Variants in SLC25A13 observed in about 807,000 individuals in gnomAD.
SLC25A13 encodes the protein solute carrier family 25 member 13.
In SLC25A13, 70 loss-of-function variants were observed where a neutral mutation model predicts 85.5. The ratio of observed to expected loss-of-function variants is 0.82; its 90% CI spans 0.68 to 1.00. SLC25A13 has a LOEUF of 1.00. SLC25A13 is among the 50% of genes least tolerant of loss of function. SLC25A13 has a pLI of 0.00. For missense variants in SLC25A13, 765 were observed against 819.8 expected (o/e 0.93, Z 0.82); for synonymous variants, 259 against 288.7 (o/e 0.90, Z 1.04).
In SLC25A13 at chr7:96,219,552, T is replaced by A. The variant is rs373577247; in HGVS notation, c.329-10575A>T. Reference sequence around the variant, plus strand: ...CCCTCTGGGCCTGTTTCCTCATCCATGAAAGAAAGCCATAAACTATACTCA... The same window carrying A: ...CCCTCTGGGCCTGTTTCCTCATCCAAGAAAGAAAGCCATAAACTATACTCA... On this transcript the variant is annotated intron_variant, in intron 4 of 17. Transcript: ENST00000265631. 113 of 370,900 alleles carry A rather than the reference T, an allele frequency of 3.0e-4. 1 individual carries two copies. Among genetic ancestry groups the A allele is most frequent in the African/African-American group, 2.2e-3 (104 of 47,096 alleles). 23.0% of individuals were successfully genotyped at this position (370,900 alleles called of 1,614,324 possible). A position where few individuals can be genotyped will look rare whatever the true frequency, so the allele number is the denominator to read the frequency against.
intron 13 of SLC25A13, among the ~76,000 whole-genome samples, chr7:96,157,488 A>G (rs1300651989): frequency 6.6e-6 from 1 of 152,146 alleles, no homozygotes; most frequent in Non-Finnish European, 1.5e-5. Context: ...GGGAAGTGAT[A>G]TAGCTATTTA....
intron 11 of SLC25A13, among the ~76,000 whole-genome samples, chr7:96,174,833 C>T (rs112317846): frequency 4.9e-4 from 75 of 152,222 alleles, no homozygotes; most frequent in African/African-American, 1.5e-3. Context: ...GCATTGTGAA[C>T]GGCAAAAAAC....
chr7:96,303,627 T>A (rs553364234), intron 1 of SLC25A13, among the ~76,000 whole-genome samples: 3 of 152,186 alleles, frequency 2.0e-5, no homozygotes, highest in African/African-American at 7.2e-5. Flanking sequence ...TTAGATGAAA[T>A]TGAGTGAGAT....
At chr7:96,219,454 A>T (rs986013347) in intron 4 of SLC25A13, among the ~76,000 whole-genome samples, 9 of 152,326 alleles carry the variant, frequency 5.9e-5, no homozygotes, top group Non-Finnish European at 1.0e-4. Context: ...GTCATGTGGC[A>T]TTCAGGAAAG....
At chr7:96,207,600 G>A (rs1163734244) in intron 5 of SLC25A13, among the ~76,000 whole-genome samples, 1 of 152,154 alleles carries the variant, frequency 6.6e-6, no homozygotes, top group Non-Finnish European at 1.5e-5. Context: ...TAAATAAAAT[G>A]TAACTGTTAG....
intron 2 of SLC25A13, among the ~76,000 whole-genome samples, chr7:96,294,610 G>GAAAAAAAAAA (rs776263797): frequency 7.4e-6 from 1 of 135,114 alleles, no homozygotes; most frequent in Non-Finnish European, 1.6e-5. Flanking sequence ...CTCTGTCTCA[G>GAAAAAAAAAA]AAAAAAAAAA....
intron 2 of SLC25A13, among the ~76,000 whole-genome samples, chr7:96,293,839 A>G (rs1475707180): frequency 6.6e-6 from 1 of 152,240 alleles, no homozygotes; most frequent in Non-Finnish European, 1.5e-5. Context: ...GTGGGACTGT[A>G]AACTAGTTCA....
intron 2 of SLC25A13, among the ~76,000 whole-genome samples, chr7:96,284,729 T>A (rs1798821147): frequency 6.6e-6 from 1 of 152,060 alleles, no homozygotes; most frequent in Non-Finnish European, 1.5e-5. Flanking sequence ...TAAATGGGAG[T>A]TCCCCTGCAC....
intron 3 of SLC25A13, among the ~76,000 whole-genome samples, chr7:96,240,615 A>G (rs999848362): frequency 6.6e-6 from 1 of 151,920 alleles, no homozygotes; most frequent in African/African-American, 2.4e-5. Context: ...GTGGCAGCTC[A>G]TGTCTATAAT....
At chr7:96,199,441 G>A (rs1046502829) in intron 5 of SLC25A13, among the ~76,000 whole-genome samples, 1 of 152,202 alleles carries the variant, frequency 6.6e-6, no homozygotes, top group African/African-American at 2.4e-5. Context: ...AATCCAGAGA[G>A]CTGAGAAAAT....
chr7:96,277,372 AT>A (rs781581999), intron 2 of SLC25A13, 34 bp from the exon 3 acceptor site: 1 of 1,578,990 alleles, frequency 6.3e-7, no homozygotes, highest in East Asian at 2.3e-5. Context: ...TATTTTATAT[AT>A]TTGATTTTCA....
intron 3 of SLC25A13, among the ~76,000 whole-genome samples, chr7:96,250,408 G>C (rs1797371907): frequency 1.3e-5 from 2 of 152,180 alleles, no homozygotes; most frequent in Admixed American, 6.5e-5. Flanking sequence ...CAGCGACATG[G>C]CTGTCTTTAC....
intron 2 of SLC25A13, among the ~76,000 whole-genome samples, chr7:96,289,587 A>G (rs2116975392): frequency 6.6e-6 from 1 of 152,368 alleles, no homozygotes; most frequent in South Asian, 2.1e-4. Context: ...GCTGAAAACC[A>G]TGGCACAAGA....
At chr7:96,167,744 A>C (rs916719847) in intron 13 of SLC25A13, among the ~76,000 whole-genome samples, 1 of 152,162 alleles carries the variant, frequency 6.6e-6, no homozygotes, top group African/African-American at 2.4e-5. Flanking sequence ...AAGGTGTGTG[A>C]CTGACTCCAA....
At chr7:96,258,620 G>A (rs901106581) in intron 3 of SLC25A13, among the ~76,000 whole-genome samples, 5 of 152,136 alleles carry the variant, frequency 3.3e-5, no homozygotes, top group Admixed American at 6.5e-5. Context: ...AATCAATATC[G>A]TGAAAATGGC....
chr7:96,288,127 T>G (rs1798960643), intron 2 of SLC25A13, among the ~76,000 whole-genome samples: 2 of 152,168 alleles, frequency 1.3e-5, no homozygotes, highest in African/African-American at 4.8e-5. Context: ...TTTTCCAACT[T>G]AGAAACTGTA....
At chr7:96,234,055 C>G (rs1796653661) in intron 4 of SLC25A13, among the ~76,000 whole-genome samples, 1 of 152,234 alleles carries the variant, frequency 6.6e-6, no homozygotes, top group Admixed American at 6.5e-5. Context: ...GCAGAGACAA[C>G]ATATGCTGGA....
chr7:96,148,903 A>G (rs1023264242), intron 13 of SLC25A13, among the ~76,000 whole-genome samples: 1 of 152,230 alleles, frequency 6.6e-6, no homozygotes, highest in African/African-American at 2.4e-5. Flanking sequence ...GAGATGGAGA[A>G]TGTACAGGAG....
intron 3 of SLC25A13, among the ~76,000 whole-genome samples, chr7:96,254,896 G>A (rs758672338): frequency 2.2e-4 from 33 of 152,122 alleles, no homozygotes; most frequent in Non-Finnish European, 4.3e-4. Flanking sequence ...ACTTCCCTGA[G>A]CATACCTTCC....
Sources: allele counts gnomAD v4.1 joint callset (sites outside exome capture counted in the v4.1 genomes callset), GRCh38; gene constraint gnomAD v4.1.1; transcripts MANE v1.5; gene names NCBI Gene and HGNC (gene_info 2026-07-23, HGNC 2026-07-21).